The following DIS3L2 variants were observed in gnomAD, a reference collection of about 807,000 sequenced individuals.
The protein encoded by DIS3L2 is DIS3-like exonuclease 2.
A neutral mutation model predicts 97.5 loss-of-function variants in DIS3L2; 34 were observed. The ratio of observed to expected loss-of-function variants is 0.35; its 90% confidence interval spans 0.27 to 0.46. The LOEUF is 0.46. Ranked by LOEUF, DIS3L2 falls within the 20% of genes least tolerant of loss-of-function variation. DIS3L2 has a pLI of 1.00. For missense variants in DIS3L2, 1,038 were observed against 1,146.0 expected (o/e 0.91, Z 1.36); for synonymous variants, 435 against 445.2 (o/e 0.98, Z 0.29).
At chr2:232,182,176 T>A (rs1165176558) in intron 9 of DIS3L2, among the ~76,000 whole-genome samples, 1 of 152,170 alleles carries the variant, frequency 6.6e-6, no homozygotes, top group African/African-American at 2.4e-5. Flanking sequence ...TCCTTTGAGA[T>A]TTCTTCTTTG....
At chr2:231,983,975 A>G (rs1693335925) in intron 1 of DIS3L2, among the ~76,000 whole-genome samples, 1 of 151,598 alleles carries the variant, frequency 6.6e-6, no homozygotes, top group South Asian at 2.1e-4. Flanking sequence ...TATTATTGGG[A>G]TATAATAAAA....
chr2:232,045,223 C>A (rs987964601), intron 5 of DIS3L2, among the ~76,000 whole-genome samples: 1 of 152,130 alleles, frequency 6.6e-6, no homozygotes, highest in Non-Finnish European at 1.5e-5. Context: ...AGAGACTAAC[C>A]TTCTCTAAGT....
chr2:231,972,513 G>A (rs942595785), intron 1 of DIS3L2, among the ~76,000 whole-genome samples: 7 of 152,142 alleles, frequency 4.6e-5, no homozygotes, highest in African/African-American at 1.4e-4. Context: ...CTGAAATGTC[G>A]TTATGGAATG....
chr2:232,334,119 A>G (rs769173321), intron 17 of DIS3L2, 132 bp downstream of exon 17: 11 of 1,402,984 alleles, frequency 7.8e-6, no homozygotes, highest in African/African-American at 2.9e-5. Context: ...ACCCAAGTGC[A>G]GGGGAGCCTG....
intron 6 of DIS3L2, among the ~76,000 whole-genome samples, chr2:232,116,327 A>G (rs751385141): frequency 2.0e-5 from 3 of 152,162 alleles, no homozygotes; most frequent in African/African-American, 4.8e-5. Context: ...TTTGGTCAGC[A>G]TATGCTGGGT....
chr2:232,220,245 C>T (rs1692458080), intron 10 of DIS3L2, among the ~76,000 whole-genome samples: 1 of 151,934 alleles, frequency 6.6e-6, no homozygotes, highest in African/African-American at 2.4e-5. Flanking sequence ...GGGGTTCAAG[C>T]CTGCAGTGAG....
chr2:231,962,817 T>C (rs755885177), intron 1 of DIS3L2, among the ~76,000 whole-genome samples: 1 of 152,214 alleles, frequency 6.6e-6, no homozygotes, highest in South Asian at 2.1e-4. Flanking sequence ...CTCCCACTTA[T>C]AAGTGAGAAC....
chr2:231,964,842 T>C (rs936188543), intron 1 of DIS3L2, among the ~76,000 whole-genome samples: 1 of 152,214 alleles, frequency 6.6e-6, no homozygotes, highest in Non-Finnish European at 1.5e-5. Context: ...TATTAAGTGC[T>C]GTAGTAGGTC....
intron 10 of DIS3L2, among the ~76,000 whole-genome samples, chr2:232,223,452 G>A (rs927442896): frequency 6.6e-6 from 1 of 152,200 alleles, no homozygotes; most frequent in Non-Finnish European, 1.5e-5. Context: ...AAATTATTGA[G>A]TATATGAAAA....
chr2:232,079,915 T>C (rs538002533), intron 5 of DIS3L2, among the ~76,000 whole-genome samples: 9 of 152,236 alleles, frequency 5.9e-5, no homozygotes, highest in African/African-American at 2.2e-4. Context: ...AACATGAGGA[T>C]AGAAAAATGT....
chr2:232,140,446 A>T (rs989183959), intron 8 of DIS3L2, among the ~76,000 whole-genome samples: 2 of 152,210 alleles, frequency 1.3e-5, no homozygotes, highest in African/African-American at 4.8e-5. Flanking sequence ...GACTAGGAAG[A>T]TGTTGCACCA....
intron 14 of DIS3L2, among the ~76,000 whole-genome samples, chr2:232,302,012 G>A (rs1330265806): frequency 1.3e-5 from 2 of 151,928 alleles, no homozygotes; most frequent in Non-Finnish European, 2.9e-5. Context: ...ATAGCTCCTA[G>A]CATATTATCA....
chr2:232,087,754 T>A (rs1223771625), intron 6 of DIS3L2, 33 bp downstream of exon 6: 3 of 1,494,226 alleles, frequency 2.0e-6, no homozygotes, highest in Non-Finnish European at 2.8e-6. Context: ...ACTTTTTTTT[T>A]AAGTACACTG....
At chr2:232,289,049 G>A (rs1694526056) in intron 13 of DIS3L2, among the ~76,000 whole-genome samples, 1 of 152,056 alleles carries the variant, frequency 6.6e-6, no homozygotes, top group Admixed American at 6.6e-5. Context: ...CACAGATGCA[G>A]TCGTCCTGCT....
chr2:232,342,153 A>G (rs1186417927), downstream of DIS3L2, among the ~76,000 whole-genome samples: 6 of 151,592 alleles, frequency 4.0e-5, no homozygotes, highest in Non-Finnish European at 8.8e-5. Context: ...ATATATACAC[A>G]TATACATATA....
intron 6 of DIS3L2, among the ~76,000 whole-genome samples, chr2:232,128,467 T>TA (rs1698131277): frequency 7.3e-6 from 1 of 137,066 alleles, no homozygotes; most frequent in Non-Finnish European, 1.6e-5. Flanking sequence ...TTTTTTTTTT[T>TA]TTTTTTTTTT....
intron 9 of DIS3L2, among the ~76,000 whole-genome samples, chr2:232,184,354 A>AT (rs375396856): frequency 3.3e-5 from 5 of 152,216 alleles, no homozygotes; most frequent in African/African-American, 1.2e-4. Flanking sequence ...GGAAGATAGA[A>AT]TTTGAAAATA....
rs115129636 is a variant in DIS3L2, at chr2:232,145,327, G to A, written c.950+8608G>A. Among the ~76,000 whole-genome samples the A allele has an allele frequency of 7.7e-3, 1,170 of 152,234 alleles. 7 individuals are homozygous for A. Among genetic ancestry groups the A allele is most frequent in the Middle Eastern group, 0.01 (3 of 294 alleles). On this transcript the variant is annotated intron_variant, in intron 8 of 20. Transcript: ENST00000325385. Reference sequence around the variant, plus strand: ...TGTCTTTTTTGTTTGCTGCCAGCATGTAGAATTACAGTTAATTTTTATACA... The same window carrying A: ...TGTCTTTTTTGTTTGCTGCCAGCATATAGAATTACAGTTAATTTTTATACA...
intron 6 of DIS3L2, among the ~76,000 whole-genome samples, chr2:232,088,132 G>A (rs929928165): frequency 2.6e-5 from 4 of 152,218 alleles, no homozygotes; most frequent in African/African-American, 9.6e-5. Flanking sequence ...TGGGCACAGT[G>A]GCTCACGCCT....
Sources: allele counts gnomAD v4.1 joint callset (sites outside exome capture counted in the v4.1 genomes callset), GRCh38; gene constraint gnomAD v4.1.1; transcripts MANE v1.5; gene names NCBI Gene and HGNC (gene_info 2026-07-23, HGNC 2026-07-21).